ARHGAP28: variants seen among roughly 807,000 people sequenced by gnomAD.
The protein encoded by ARHGAP28 is Rho GTPase activating protein 28.
A neutral mutation model predicts 90.7 loss-of-function variants in ARHGAP28; 56 were observed. The ratio of observed to expected loss-of-function variants is 0.62; its 90% confidence interval spans 0.50 to 0.77. The LOEUF is 0.77. Ranked by LOEUF, ARHGAP28 falls within the 30% of genes least tolerant of loss-of-function variation. The pLI is 0.00. For missense variants in ARHGAP28, 869 were observed against 900.9 expected, an observed-to-expected ratio of 0.96 and a Z score of 0.45; for synonymous variants, 308 against 323.3, an observed-to-expected ratio of 0.95 and a Z score of 0.51.
At chr18:6,796,087 T>C (rs1383836388) in intron 1 of ARHGAP28, among the ~76,000 whole-genome samples, 1 of 152,196 alleles carries the variant, frequency 6.6e-6, no homozygotes. Flanking sequence ...ACATGGGTGT[T>C]ATTCCAAATA....
In ARHGAP28 at chr18:6,894,408, T is replaced by C. The variant is rs545097848; in HGVS notation, c.1849-427T>C. Among the ~76,000 whole-genome samples, 33 of 152,292 alleles carry C rather than the reference T, an allele frequency of 2.2e-4. No homozygotes were observed. The South Asian group carries it at 4.6e-3, about 21-fold the overall frequency. On this transcript the variant is annotated intron_variant, in intron 14 of 17. Transcript: ENST00000383472. ...AGTGTATGTTCTTTCCCCTTTAACA[T>C]GAATGTAGCATACAGGAAACACTGT...
At chr18:6,787,784 G>A (rs747955245) in intron 1 of ARHGAP28, among the ~76,000 whole-genome samples, 1 of 152,128 alleles carries the variant, frequency 6.6e-6, no homozygotes, top group African/African-American at 2.4e-5. Flanking sequence ...AACTCTCAAA[G>A]ACAACTGTAT....
chr18:6,898,397 A>G, intron 16 of ARHGAP28: 1 of 979,926 alleles, frequency 1.0e-6, no homozygotes, highest in South Asian at 1.3e-5. Context: ...ATATACACAT[A>G]TACACACACA....
intron 14 of ARHGAP28, among the ~76,000 whole-genome samples, chr18:6,893,602 C>G (rs1350009065): frequency 6.6e-6 from 1 of 152,058 alleles, no homozygotes; most frequent in Non-Finnish European, 1.5e-5. Context: ...AAACTACATT[C>G]TTTTTTTGAG....
chr18:6,881,745 A>G (rs2057179823), intron 10 of ARHGAP28, among the ~76,000 whole-genome samples: 1 of 152,186 alleles, frequency 6.6e-6, no homozygotes, highest in Non-Finnish European at 1.5e-5. Flanking sequence ...ATTTAGAAAT[A>G]GAAGAGAGGA....
chr18:6,828,197 G>A (rs943289894), intron 2 of ARHGAP28, among the ~76,000 whole-genome samples: 6 of 152,166 alleles, frequency 3.9e-5, no homozygotes, highest in East Asian at 1.9e-4. Flanking sequence ...AAAAAAATAC[G>A]AAAACCAGTC....
chr18:6,807,268 A>T (rs1292915610), intron 1 of ARHGAP28, among the ~76,000 whole-genome samples: 1 of 152,130 alleles, frequency 6.6e-6, no homozygotes, highest in Non-Finnish European at 1.5e-5. Flanking sequence ...GTCCTTGTCT[A>T]CTAATTCTGT....
At chr18:6,885,987 G>A (rs918791293) in intron 11 of ARHGAP28, among the ~76,000 whole-genome samples, 2 of 151,942 alleles carry the variant, frequency 1.3e-5, no homozygotes, top group African/African-American at 2.4e-5. Flanking sequence ...CTGGACCTGC[G>A]TCATTATAAA....
chr18:6,737,324 C>CT (rs2055937478), intron 1 of ARHGAP28, among the ~76,000 whole-genome samples: 1 of 152,036 alleles, frequency 6.6e-6, no homozygotes, highest in African/African-American at 2.4e-5. Context: ...GTAAAGGTAC[C>CT]TATTGAGATG....
chr18:6,841,202 TCCTCTCCTCTCTCTCTCTCTC>T (rs2056820389), intron 3 of ARHGAP28, among the ~76,000 whole-genome samples: 1 of 47,368 alleles, frequency 2.1e-5, no homozygotes, highest in East Asian at 4.3e-4. Flanking sequence ...TCTCTCTCTC[TCCTCTCCTCTCTCTCTCTCTC>T]CCCCCAACCC....
intron 5 of ARHGAP28, among the ~76,000 whole-genome samples, chr18:6,860,259 T>C (rs2056987194): frequency 6.6e-6 from 1 of 152,216 alleles, no homozygotes; most frequent in South Asian, 2.1e-4. Flanking sequence ...AAGTTCCTTT[T>C]ACCCACAGGA....
intron 16 of ARHGAP28, among the ~76,000 whole-genome samples, chr18:6,905,333 G>GA (rs1294298392): frequency 6.6e-6 from 1 of 151,788 alleles, no homozygotes; most frequent in Non-Finnish European, 1.5e-5. Flanking sequence ...AATTGATACA[G>GA]AAAAAAGCCT....
At position 6,882,465 on chromosome 18, in the gene ARHGAP28, T is replaced by TA. The variant is rs2057186963; in HGVS notation, c.1453+167dup. 8 of 568,390 alleles carry TA rather than the reference T, an allele frequency of 1.4e-5. No homozygotes were observed. In the East Asian group the frequency reaches 2.4e-4, roughly 17 times the overall value. 35.2% of individuals were successfully genotyped at this position (568,390 alleles called of 1,614,324 possible). A position where few individuals can be genotyped will look rare whatever the true frequency, so the allele number is the denominator to read the frequency against. On this transcript the variant is annotated intron_variant, in intron 11 of 17. Coordinates refer to ENST00000383472, the MANE Select transcript of ARHGAP28 (RefSeq NM_001366230.1). ...GCAAACAGTCACCTACTTACATACT[T>TA]ATATACTTAAGCCTGGTTTAGGGTT...
chr18:6,870,632 A>G lies in ARHGAP28; in HGVS notation c.854A>G (p.Glu285Gly), dbSNP rs369043297. Reference protein sequence around the residue: ...LEKNIPPEAEELSFEVSYSEM... With the variant: ...LEKNIPPEAEGLSFEVSYSEM... ...AAGAACATTCCACCAGAGGCTGAAG[A>G]GCTGTCATTTGAAGTGTCTTATTCA... The change falls in exon 7 of 18, where the codon GAG (glutamate) becomes GGG (glycine). Residue 285 changes from glutamate to glycine, a missense_variant. Physicochemically the swap from Glu to Gly is moderately conservative, Grantham distance 98. Transcript: ENST00000383472. 1 of 1,612,954 alleles carries G rather than the reference A, an allele frequency of 6.2e-7. No homozygotes were observed. Among genetic ancestry groups the G allele is most frequent in the African/African-American group, 1.3e-5 (1 of 74,860 alleles).
At chr18:6,806,881 G>A (rs1231948813) in intron 1 of ARHGAP28, among the ~76,000 whole-genome samples, 1 of 151,934 alleles carries the variant, frequency 6.6e-6, no homozygotes, top group Admixed American at 6.6e-5. Flanking sequence ...TTTTCATTGG[G>A]TTGATAGTTT....
At chr18:6,799,130 A>G (rs925401891) in intron 1 of ARHGAP28, among the ~76,000 whole-genome samples, 6 of 152,208 alleles carry the variant, frequency 3.9e-5, no homozygotes, top group African/African-American at 1.4e-4. Context: ...GTTTATAACA[A>G]TGCCTCATTT....
At chr18:6,900,660 C>G (rs375215027) in intron 16 of ARHGAP28, among the ~76,000 whole-genome samples, 1 of 151,618 alleles carries the variant, frequency 6.6e-6, no homozygotes, top group Non-Finnish European at 1.5e-5. Flanking sequence ...TGAACACAGC[C>G]TCAGGGACCT....
chr18:6,898,785 T>A, intron 16 of ARHGAP28: 1 of 1,224,726 alleles, frequency 8.2e-7, no homozygotes, highest in Non-Finnish European at 1.0e-6. Context: ...AACTCAGGAA[T>A]GGAAAACCAA....
At chr18:6,848,994 A>C (rs1220417361) in intron 3 of ARHGAP28, among the ~76,000 whole-genome samples, 1 of 152,054 alleles carries the variant, frequency 6.6e-6, no homozygotes, top group Non-Finnish European at 1.5e-5. Flanking sequence ...TTACACCTGT[A>C]ATTCTAGCAC....
Sources: allele counts gnomAD v4.1 joint callset (sites outside exome capture counted in the v4.1 genomes callset), GRCh38; gene constraint gnomAD v4.1.1; transcripts MANE v1.5; gene names NCBI Gene and HGNC (gene_info 2026-07-23, HGNC 2026-07-21).